Variants in ASAP2 observed in about 807,000 individuals in gnomAD.
The protein encoded by ASAP2 is arf-GAP with SH3 domain, ANK repeat and PH domain-containing protein 2.
In ASAP2, 45 loss-of-function variants were observed where a neutral mutation model predicts 131.4. The observed-to-expected ratio is 0.34, with a 90% CI of 0.27 to 0.44. ASAP2 has a LOEUF of 0.44. ASAP2 is among the 20% of genes least tolerant of loss of function. ASAP2 has a pLI of 1.00. For synonymous variants in ASAP2, 510 were observed against 503.0 expected, an observed-to-expected ratio of 1.01 and a Z score of -0.19; for missense variants, 1,011 against 1,297.0, an observed-to-expected ratio of 0.78 and a Z score of 3.39.
intron 7 of ASAP2, among the ~76,000 whole-genome samples, chr2:9,328,717 T>C (rs905683991): frequency 2.6e-5 from 4 of 152,140 alleles, no homozygotes; most frequent in African/African-American, 4.8e-5. Context: ...GTCACTGATA[T>C]AGACAGGCCT....
intron 7 of ASAP2, among the ~76,000 whole-genome samples, chr2:9,334,119 T>C (rs1671030035): frequency 7.1e-6 from 1 of 139,998 alleles, no homozygotes; most frequent in Non-Finnish European, 1.5e-5. Context: ...TGATCTCGGC[T>C]CACTGCAACC....
At chr2:9,253,338 A>AT (rs1193942894) in intron 1 of ASAP2, among the ~76,000 whole-genome samples, 1 of 151,860 alleles carries the variant, frequency 6.6e-6, no homozygotes, top group African/African-American at 2.4e-5. Context: ...TAATTTTTGT[A>AT]TTTTTAGTAG....
At chr2:9,303,843 C>A (rs1264976479) in intron 3 of ASAP2, among the ~76,000 whole-genome samples, 1 of 152,184 alleles carries the variant, frequency 6.6e-6, no homozygotes, top group Non-Finnish European at 1.5e-5. Context: ...CGGTAACCCC[C>A]ATACAGAGAA....
chr2:9,334,879 GTCACT>G, intron 8 of ASAP2, 66 bp downstream of exon 8: 2 of 1,532,592 alleles, frequency 1.3e-6, no homozygotes, highest in Non-Finnish European at 1.8e-6. Context: ...TCATCTAAAT[GTCACT>G]TCTGTGTAAT....
At chr2:9,238,069 ATGGCTC>A (rs141588173) in intron 1 of ASAP2, among the ~76,000 whole-genome samples, 3,293 of 152,200 alleles carry the variant, frequency 0.022, 87 homozygotes, top group Admixed American at 0.085. Context: ...GGGAGGAGCC[ATGGCTC>A]TGGCCTCCGA....
intron 1 of ASAP2, among the ~76,000 whole-genome samples, chr2:9,231,031 G>A (rs1332803269): frequency 6.6e-6 from 1 of 152,204 alleles, no homozygotes; most frequent in Non-Finnish European, 1.5e-5. Context: ...ATGCTGCCCA[G>A]GCTCGGCTGC....
intron 6 of ASAP2, among the ~76,000 whole-genome samples, chr2:9,324,253 A>G (rs949486824): frequency 2.0e-5 from 3 of 152,236 alleles, no homozygotes; most frequent in African/African-American, 7.2e-5. Context: ...TTAGAAATGT[A>G]TTTAAATGAG....
chr2:9,279,250 G>T, intron 1 of ASAP2, 67 bp from the exon 2 acceptor site: 1 of 1,487,272 alleles, frequency 6.7e-7, no homozygotes, highest in African/African-American at 1.4e-5. Flanking sequence ...GGCACTCAAC[G>T]TGGTGCTCGC....
rs557177951 is a variant in ASAP2 at position 9,291,491 on chromosome 2, G to A, written c.200-5809G>A. Among the ~76,000 whole-genome samples, 45 of 152,280 alleles carry A rather than the reference G, an allele frequency of 3.0e-4. No individual in the cohort carries two copies. In the South Asian group the frequency reaches 8.3e-3, roughly 28 times the overall value. On this transcript the variant is annotated intron_variant, in intron 2 of 27. Transcript: ENST00000281419. ...CAGGTGGCATGTACAGCCGACAGCC[G>A]GAGGAAATGGTCTCCACTGTGCAGA...
At chr2:9,296,624 A>G (rs73915711) in intron 2 of ASAP2, among the ~76,000 whole-genome samples, 3 of 152,386 alleles carry the variant, frequency 2.0e-5, no homozygotes, top group African/African-American at 7.2e-5. Context: ...TGTCAACTCT[A>G]AGCACATCCG....
chr2:9,393,351 A>G, intron 23 of ASAP2, 131 bp from the exon 24 acceptor site: 4 of 828,448 alleles, frequency 4.8e-6, no homozygotes, highest in South Asian at 2.1e-5. Flanking sequence ...TGGCAAGGAA[A>G]TAGCAGCAGG....
intron 14 of ASAP2, among the ~76,000 whole-genome samples, chr2:9,357,545 T>C (rs903684218): frequency 6.6e-6 from 1 of 152,190 alleles, no homozygotes; most frequent in African/African-American, 2.4e-5. Context: ...TGATAAGTAG[T>C]GAATCATGGT....
At chr2:9,269,452 C>T (rs1352402405) in intron 1 of ASAP2, among the ~76,000 whole-genome samples, 1 of 152,202 alleles carries the variant, frequency 6.6e-6, no homozygotes, top group Non-Finnish European at 1.5e-5. Context: ...TGGCCCGCAC[C>T]ATTCAGCCTG....
At chr2:9,255,731 TTGAC>T (rs1665110131) in intron 1 of ASAP2, among the ~76,000 whole-genome samples, 2 of 152,268 alleles carry the variant, frequency 1.3e-5, no homozygotes, top group Non-Finnish European at 2.9e-5. Context: ...AGGGGTCTGC[TTGAC>T]CTGTATTGCT....
chr2:9,373,874 C>G (rs1021568963), intron 16 of ASAP2, among the ~76,000 whole-genome samples: 2 of 152,202 alleles, frequency 1.3e-5, no homozygotes, highest in African/African-American at 2.4e-5. Flanking sequence ...ACTCTGTGAC[C>G]AGTGAGCTGC....
chr2:9,287,162 T>C (rs958473357), intron 2 of ASAP2, among the ~76,000 whole-genome samples: 4 of 152,218 alleles, frequency 2.6e-5, no homozygotes, highest in Non-Finnish European at 4.4e-5. Context: ...TGCCTGGTGC[T>C]GAGGCGGGAA....
intron 1 of ASAP2, among the ~76,000 whole-genome samples, chr2:9,272,432 G>A (rs1666461553): frequency 1.3e-5 from 2 of 150,678 alleles, no homozygotes; most frequent in Admixed American, 6.6e-5. Context: ...AGAGTTGTTT[G>A]AGCTTCTTAC....
chr2:9,359,202 G>T (rs1672924641), intron 15 of ASAP2, among the ~76,000 whole-genome samples: 2 of 152,232 alleles, frequency 1.3e-5, no homozygotes, highest in African/African-American at 2.4e-5. Context: ...CCATTAGACA[G>T]ATGTGGAATG....
chr2:9,235,700 G>A (rs935405863), intron 1 of ASAP2, among the ~76,000 whole-genome samples: 1 of 152,168 alleles, frequency 6.6e-6, no homozygotes, highest in Non-Finnish European at 1.5e-5. Context: ...CTGAGGTGTC[G>A]GGCTGGGTAG....
Sources: gnomAD v4.1 joint callset for allele counts (sites outside exome capture counted in the v4.1 genomes callset) on GRCh38, gnomAD v4.1.1 for gene constraint, MANE v1.5 for transcripts, NCBI Gene and HGNC (gene_info 2026-07-23, HGNC 2026-07-21) for gene names.